Variants in CCDC148 observed in about 807,000 individuals in gnomAD.
CCDC148 encodes the protein coiled-coil domain-containing protein 148.
A neutral mutation model predicts 85.7 loss-of-function variants in CCDC148; 89 were observed. The observed-to-expected ratio is 1.04, with a 90% CI of 0.87 to 1.24. CCDC148 has a LOEUF of 1.24. Ranked by LOEUF, CCDC148 falls within the 50% of genes most tolerant of loss-of-function variation. The pLI, the probability that CCDC148 is intolerant of heterozygous loss-of-function variation, is 0.00. For synonymous variants in CCDC148, 230 were observed against 213.9 expected (o/e 1.08, Z -0.66); for missense variants, 692 against 671.7 (o/e 1.03, Z -0.33).
rs1316265695 is a variant in CCDC148, at chr2:158,433,270, A to ATATATATATATATG, written c.25+23144_25+23145insCATATATATATATA. ...GTAAGTCCTTGACTCAAATATATAT[A>ATATATATATATATG]TATATATAAAACAAAAGCACAAATA... is the stretch of plus-strand genomic sequence containing the variant. On this transcript the variant is annotated intron_variant, in intron 1 of 13. Transcript: ENST00000283233. Among the ~76,000 whole-genome samples the ATATATATATATATG allele has an allele frequency of 4.3e-4, 56 of 129,154 alleles. 2 individuals are homozygous for ATATATATATATATG. Among genetic ancestry groups the ATATATATATATATG allele is most frequent in the African/African-American group, 1.4e-3 (53 of 38,602 alleles). 84.7% of individuals were successfully genotyped at this position (129,154 alleles called of 152,430 possible).
At chr2:158,379,435 C>T (rs960069285) in intron 1 of CCDC148, among the ~76,000 whole-genome samples, 5 of 151,992 alleles carry the variant, frequency 3.3e-5, no homozygotes, top group Admixed American at 6.6e-5. Context: ...TAAAGGATTT[C>T]GAATATTATA....
chr2:158,173,899 T>G (rs1684442688), intron 13 of CCDC148, among the ~76,000 whole-genome samples: 1 of 152,010 alleles, frequency 6.6e-6, no homozygotes, highest in South Asian at 2.1e-4. Context: ...TATTATTCAA[T>G]TTTTGCATAG....
At chr2:158,362,811 A>T (rs1487588870) in intron 1 of CCDC148, among the ~76,000 whole-genome samples, 1 of 152,200 alleles carries the variant, frequency 6.6e-6, no homozygotes, top group Non-Finnish European at 1.5e-5. Context: ...GACAAGAAAT[A>T]ACTAAGATCA....
chr2:158,281,633 C>G (rs1269355894), intron 9 of CCDC148, among the ~76,000 whole-genome samples: 1 of 152,134 alleles, frequency 6.6e-6, no homozygotes, highest in Non-Finnish European at 1.5e-5. Flanking sequence ...TGGCAATAAT[C>G]AACAGCTTAC....
chr2:158,385,451 C>G (rs1685047769), intron 1 of CCDC148, among the ~76,000 whole-genome samples: 1 of 152,014 alleles, frequency 6.6e-6, no homozygotes, highest in South Asian at 2.1e-4. Context: ...CATGTATTAA[C>G]TGATATTATT....
chr2:158,406,360 C>T, intron 1 of CCDC148, among the ~76,000 whole-genome samples: 1 of 152,052 alleles, frequency 6.6e-6, no homozygotes, highest in Non-Finnish European at 1.5e-5. Context: ...GATATCCCAA[C>T]TACATGGTGC....
intron 9 of CCDC148, among the ~76,000 whole-genome samples, chr2:158,252,668 T>A (rs1688841798): frequency 6.6e-6 from 1 of 151,716 alleles, no homozygotes; most frequent in African/African-American, 2.4e-5. Flanking sequence ...TACTGCTCTC[T>A]TCTTCCTGTT....
intron 11 of CCDC148, among the ~76,000 whole-genome samples, chr2:158,208,446 TG>T (rs983047129): frequency 6.6e-6 from 1 of 152,148 alleles, no homozygotes; most frequent in African/African-American, 2.4e-5. Context: ...AGCTAGAGCA[TG>T]AGTGTGGGAC....
chr2:158,384,962 C>T (rs924453521), intron 1 of CCDC148, among the ~76,000 whole-genome samples: 1 of 152,160 alleles, frequency 6.6e-6, no homozygotes. Context: ...CATTTGCCAG[C>T]TCATTCTTAT....
At chr2:158,191,758 G>C (rs1685434777) in intron 11 of CCDC148, among the ~76,000 whole-genome samples, 1 of 151,950 alleles carries the variant, frequency 6.6e-6, no homozygotes, top group South Asian at 2.1e-4. Flanking sequence ...TTTTGTCTCA[G>C]AATTCAGCTT....
chr2:158,354,498 G>A lies in CCDC148; in HGVS notation c.147+3951C>T, dbSNP rs921417906. Among the ~76,000 whole-genome samples, 26 of 151,982 alleles carry A rather than the reference G, an allele frequency of 1.7e-4. No individual in the cohort carries two copies. The South Asian group carries it at 2.3e-3, about 13-fold the overall frequency. The stretch of plus-strand genomic sequence containing the variant: ...TCTAGAAGAAATGGATAAATTCCTC[G>A]ACACATACACTCTCCCAAGACTAAA... On this transcript the variant is annotated intron_variant, in intron 2 of 13. Coordinates refer to ENST00000283233, the MANE Select transcript of CCDC148 (RefSeq NM_138803.4).
At chr2:158,209,543 A>G (rs933912106) in intron 11 of CCDC148, among the ~76,000 whole-genome samples, 7 of 152,314 alleles carry the variant, frequency 4.6e-5, no homozygotes, top group African/African-American at 1.4e-4. Context: ...CTCTGCATAT[A>G]GGTGTAAAGG....
intron 11 of CCDC148, among the ~76,000 whole-genome samples, chr2:158,215,390 C>T (rs1202332797): frequency 2.6e-5 from 4 of 152,232 alleles, no homozygotes; most frequent in South Asian, 2.1e-4. Context: ...TGACCCATGA[C>T]CCAGAGATAC....
At chr2:158,342,553 G>A (rs574341049) in intron 3 of CCDC148, among the ~76,000 whole-genome samples, 4 of 152,042 alleles carry the variant, frequency 2.6e-5, no homozygotes, top group Admixed American at 6.6e-5. Context: ...CATCTAGCTC[G>A]GCACCCAGAA....
In CCDC148 at chr2:158,420,911, A is replaced by AC. The variant is rs1453777419; in HGVS notation, c.25+35503dup. Among the ~76,000 whole-genome samples the AC allele has an allele frequency of 7.9e-5, 12 of 151,774 alleles. 2 individuals carry two copies. Among genetic ancestry groups the AC allele is most frequent in the Admixed American group, 6.6e-4 (10 of 15,222 alleles). The stretch of plus-strand genomic sequence containing the variant: ...GGAAGATCTACCAAGAAAATAGAAA[A>AC]CAAAAAAAAAAGCAGGGGTTGCAAT... On this transcript the variant is annotated intron_variant, in intron 1 of 13. Transcript: ENST00000283233.
rs572125826 is a variant in CCDC148, at chr2:158,401,160, A to G, written c.26-42590T>C. 7.2e-5 allele frequency among the ~76,000 whole-genome samples: 11 copies of G among 152,340 alleles called. No homozygotes were observed. In the South Asian group the frequency reaches 2.3e-3, roughly 32 times the overall value. On this transcript the variant is annotated intron_variant, in intron 1 of 13. Transcript: ENST00000283233. ...CACTGTGGCGATTCCTGAAGGATTT[A>G]GAACTAGAAATACCATTTGACCCAG...
chr2:158,310,371 A>C (rs551386578), intron 8 of CCDC148, among the ~76,000 whole-genome samples: 5 of 152,212 alleles, frequency 3.3e-5, no homozygotes, highest in African/African-American at 1.2e-4. Context: ...TTTTCCCTAC[A>C]TTTCCCCCTT....
intron 5 of CCDC148, among the ~76,000 whole-genome samples, chr2:158,339,981 G>A (rs1682592419): frequency 6.6e-6 from 1 of 152,144 alleles, no homozygotes; most frequent in Non-Finnish European, 1.5e-5. Flanking sequence ...TGCATTGGGA[G>A]GAGAGGCAAG....
At chr2:158,172,550 C>T (rs773055613) in intron 13 of CCDC148, among the ~76,000 whole-genome samples, 2 of 151,980 alleles carry the variant, frequency 1.3e-5, no homozygotes, top group Non-Finnish European at 2.9e-5. Flanking sequence ...AGCTTACTTT[C>T]AGTGCTACTA....
Sources: allele counts gnomAD v4.1 joint callset (sites outside exome capture counted in the v4.1 genomes callset), GRCh38; gene constraint gnomAD v4.1.1; transcripts MANE v1.5; gene names NCBI Gene and HGNC (gene_info 2026-07-23, HGNC 2026-07-21).